Variants in CDH24 observed in about 807,000 individuals in gnomAD.
The protein encoded by CDH24 is cadherin-24.
A neutral mutation model predicts 71.2 loss-of-function variants in CDH24; 61 were observed. The observed-to-expected ratio is 0.86, with a 90% CI of 0.70 to 1.06. The LOEUF is 1.06. CDH24 is among the 50% of genes least tolerant of loss of function. The probability of loss-of-function intolerance (pLI) is 0.00; values close to 1 mark genes in which losing one functional copy is unlikely to be tolerated. For synonymous variants in CDH24, 440 were observed against 470.2 expected (o/e 0.94, Z 0.83); for missense variants, 961 against 1,083.7 (o/e 0.89, Z 1.59).
Position 23,053,598 on chromosome 14 carries a change from G to T in CDH24, c.1124C>A (p.Thr375Asn), listed in dbSNP as rs1214816631. 6.2e-7 allele frequency: 1 copy of T among 1,613,366 alleles called. No individual in the cohort carries two copies. Residue 375 changes from threonine (T) to asparagine (N), a missense_variant, in exon 7 of 13, where the codon ACC (threonine) becomes AAC (asparagine). By Grantham distance (65) the Thr-to-Asn change is moderately conservative (BLOSUM62 0). Around this residue, in one of 2 missense-constraint regions of CDH24, gnomAD observed 671 missense variants for 810.9 expected, o/e 0.83. Coordinates refer to ENST00000487137, the MANE Select transcript of CDH24 (RefSeq NM_144985.4). Reference sequence around the variant, plus strand: ...CACTGTCAGGTGGTAGGCAGCCTGGGTGAAGGCAGGTGGCTCTGGGGCATC... The same window carrying T: ...CACTGTCAGGTGGTAGGCAGCCTGGTTGAAGGCAGGTGGCTCTGGGGCATC... ...VQDAPEPPAF[T>N]QAAYHLTVPE... is the part of the protein sequence containing the mutation.
intron 8 of CDH24, chr14:23,050,195 C>T: frequency 2.3e-6 from 1 of 432,778 alleles, no homozygotes; most frequent in Non-Finnish European, 4.2e-6. Flanking sequence ...ATGCCGCACC[C>T]ATGATACACA....
rs760784695 is a variant in CDH24 at position 23,049,230 on chromosome 14, C to T, written c.1643G>A (p.Arg548His). The T allele has an allele frequency of 4.4e-5, 69 of 1,574,102 alleles. No individual in the cohort carries two copies. Among genetic ancestry groups the T allele is most frequent in the Non-Finnish European group, 5.3e-5 (62 of 1,159,308 alleles). The part of the protein sequence containing the change: ...LLLPSRPAPP[R>H]HAPYLVPIEL... ...TATGGGAACCAAGTAGGGGGCATGG[C>T]GGGGTGGAGCAGGGCGGGAGGGCAG... Residue 548 changes from arginine (R) to histidine (H), a missense_variant, in exon 11 of 13, where the codon CGC (arginine) becomes CAC (histidine). Physicochemically the swap from Arg to His is conservative, Grantham distance 29. This residue lies in a region of CDH24 where 671 missense variants were observed against 810.9 expected (regional missense o/e 0.83). Coordinates refer to ENST00000487137, the MANE Select transcript of CDH24 (RefSeq NM_144985.4).
chr14:23,052,158 G>T, intron 8 of CDH24: 1 of 897,078 alleles, frequency 1.1e-6, no homozygotes, highest in Non-Finnish European at 1.8e-6. Context: ...GTTTATTTCT[G>T]GGTTGGGGCA....
At position 23,055,184 on chromosome 14, in the gene CDH24, C is replaced by T. The variant is rs751630491; in HGVS notation, c.371G>A (p.Arg124Gln). 15 of 1,614,174 alleles carry T rather than the reference C, an allele frequency of 9.3e-6. No homozygotes were observed. The highest frequency in any genetic ancestry group is 6.7e-5 in the East Asian group (3 of 44,888). ...GGGCTCCAGGGGCCGGTTGGAGGCT[C>T]GGTCCACGGCTTGGGCCAGTAGCAC... ...QYVLLAQAVD[R>Q]ASNRPLEPPS... Residue 124 changes from arginine (R) to glutamine (Q), a missense_variant, in exon 3 of 13, where the codon CGA becomes CAA. By Grantham distance (43) the Arg-to-Gln change is conservative. Around this residue, in one of 2 missense-constraint regions of CDH24, gnomAD observed 671 missense variants for 810.9 expected, o/e 0.83. Coordinates refer to ENST00000487137, the MANE Select transcript of CDH24 (RefSeq NM_144985.4). The surrounding 1 kb of genome is among the most constrained non-coding windows in gnomAD (Gnocchi z 4.1).
At chr14:23,048,528 G>C (rs770352750) in intron 11 of CDH24, 49 bp from the exon 12 acceptor site, 19 of 1,584,796 alleles carry the variant, frequency 1.2e-5, no homozygotes, top group Non-Finnish European at 1.5e-5. Flanking sequence ...GGCCGGGAGC[G>C]GGCGGCCTGT....
chr14:23,050,685 G>C (rs1287129260), intron 8 of CDH24, among the ~76,000 whole-genome samples: 1 of 152,188 alleles, frequency 6.6e-6, no homozygotes, highest in Non-Finnish European at 1.5e-5. Flanking sequence ...CCTTCATCAG[G>C]TGACTCCCTA....
At chr14:23,052,048 G>A in intron 8 of CDH24, 1 of 1,577,928 alleles carries the variant, frequency 6.3e-7, no homozygotes, top group Non-Finnish European at 8.6e-7. Context: ...GCAACCAGAA[G>A]AGGTACCCAG....
chr14:23,053,720 G>C lies in CDH24; in HGVS notation c.1002C>G (p.Tyr334Ter). The C allele has an allele frequency of 6.2e-7, 1 of 1,610,954 alleles. No individual in the cohort carries two copies. Among genetic ancestry groups the C allele is most frequent in the Non-Finnish European group, 8.5e-7 (1 of 1,178,774 alleles). The change falls in exon 7 of 13, where the codon TAC (tyrosine) becomes TAG (stop). Residue 334 changes from tyrosine (Y) to a stop codon, truncating the protein, a stop_gained. Transcript: ENST00000487137. LOFTEE classifies it high-confidence loss of function. ...TGTTGGTGGCCTCGACACGGAAGGAGTAGGAGCGCTGGCTCTCAAAGTCTA... is the reference window on the plus strand; with the variant it reads ...TGTTGGTGGCCTCGACACGGAAGGACTAGGAGCGCTGGCTCTCAAAGTCTA... ...KPLDFESQRS[Y>*]SFRVEATNTL... is the part of the protein sequence containing the mutation.
chr14:23,049,982 A>C (rs767931473), intron 8 of CDH24, 39 bp from the exon 9 acceptor site: 4 of 1,599,890 alleles, frequency 2.5e-6, no homozygotes, highest in Non-Finnish European at 2.6e-6. Context: ...CCACACACAC[A>C]CCACACAGTT....
At position 23,055,050 on chromosome 14, in the gene CDH24, G is replaced by A. The variant is rs966920742; in HGVS notation, c.496+9C>T. On this transcript the variant is annotated intron_variant, in intron 3 of 12. Transcript: ENST00000487137. The surrounding 1 kb of genome is among the most constrained non-coding windows in gnomAD (Gnocchi z 4.1). ...CGGGAACTGGGGCATTCAGAGCTGG[G>A]GTGCTCACCGACATTGGACATCTCG... 1.9e-6 allele frequency: 3 copies of A among 1,606,672 alleles called. No individual in the cohort carries two copies. In the African/African-American group the frequency reaches 4.0e-5, roughly 21 times the overall value.
At position 23,048,017 on chromosome 14, in the gene CDH24, G is replaced by C; in HGVS notation, c.2309C>G (p.Ala770Gly). ...GGGCTCCTTGGCCCCATACAGCTCG[G>C]CCAGGGTGCGGAAGAGCGGACCCCA... is the stretch of plus-strand genomic sequence containing the variant. The part of the protein sequence containing the change: ...DDWGPLFRTL[A>G]ELYGAKEPPA... The change falls in exon 12 of 13, where the codon GCC (alanine) becomes GGC (glycine). Residue 770 changes from alanine to glycine, a missense_variant. Around this residue, in one of 2 missense-constraint regions of CDH24, gnomAD observed 290 missense variants for 272.8 expected, o/e 1.06. Transcript: ENST00000487137. 3 of 1,442,300 alleles carry C rather than the reference G, an allele frequency of 2.1e-6. No individual in the cohort carries two copies. The highest frequency in any genetic ancestry group is 2.5e-4 in the Middle Eastern group (1 of 4,046). The allele number at this position is 1,442,300 out of a possible 1,614,324, so 89.3% of individuals were successfully genotyped here.
At position 23,055,204 on chromosome 14, in the gene CDH24, T is replaced by C. The variant is rs770851771; in HGVS notation, c.351A>G (p.Leu117=). The stretch of plus-strand genomic sequence containing the variant: ...AGGCTCGGTCCACGGCTTGGGCCAG[T>C]AGCACATATTGCGCCTTTTCCTCCC... ...LDREEKAQYV[L]LAQAVDRASN... is the part of the protein sequence containing the mutation. The change falls in exon 3 of 13, where the codon CTA becomes CTG. Residue 117 remains leucine, a synonymous_variant. Coordinates refer to ENST00000487137, the MANE Select transcript of CDH24 (RefSeq NM_144985.4). This position sits in a 1 kb window ranked among gnomAD's most constrained non-coding sequence, Gnocchi z 4.1. The C allele has an allele frequency of 7.4e-6, 12 of 1,614,168 alleles. No homozygotes were observed. In the Middle Eastern group the frequency reaches 1.8e-3, roughly 244 times the overall value.
chr14:23,049,214 C>G lies in CDH24; in HGVS notation c.1659G>C (p.Leu553Phe). The G allele has an allele frequency of 6.3e-7, 1 of 1,575,072 alleles. No homozygotes were observed. Among genetic ancestry groups the G allele is most frequent in the Non-Finnish European group, 8.6e-7 (1 of 1,159,562 alleles). ...RPAPPRHAPY[L>F]VPIELWDWGQ... is the part of the protein sequence containing the mutation. ...CCCAGTCCCACAGTTCTATGGGAAC[C>G]AAGTAGGGGGCATGGCGGGGTGGAG... is the stretch of plus-strand genomic sequence containing the variant. The change falls in exon 11 of 13, where the codon TTG becomes TTC. Residue 553 changes from leucine (L) to phenylalanine (F), a missense_variant. Physicochemically the swap from Leu to Phe is conservative, Grantham distance 22. Transcript: ENST00000487137.
At position 23,054,518 on chromosome 14, in the gene CDH24, T is replaced by TG. The variant is rs753422808; in HGVS notation, c.771dup (p.Lys258GlnfsTer48). ...AATGGCCCCTTACTCTGTGGGAACT[T>TG]GGGGGGGTTGTCGTTGACATCGCTG... On this transcript the variant is annotated frameshift_variant, in exon 5 of 13. Coordinates refer to ENST00000487137, the MANE Select transcript of CDH24 (RefSeq NM_144985.4). LOFTEE classifies it high-confidence loss of function. This position sits in a 1 kb window ranked among gnomAD's most constrained non-coding sequence, Gnocchi z 5.2. 1.9e-5 allele frequency: 31 copies of TG among 1,612,872 alleles called. No homozygotes were observed. Among genetic ancestry groups the TG allele is most frequent in the East Asian group, 2.2e-5 (1 of 44,872 alleles).
rs1310390668 is a variant in CDH24 at position 23,054,051 on chromosome 14, G to C, written c.972+90C>G. ...CTCTAAGCTCCAACAGAGAGATCCT[G>C]AGTCTGTTCTAGAAGAACAGTTAAA... On this transcript the variant is annotated intron_variant, in intron 6 of 12. Transcript: ENST00000487137. This position sits in a 1 kb window ranked among gnomAD's most constrained non-coding sequence, Gnocchi z 5.2. 68 of 1,335,704 alleles carry C rather than the reference G, an allele frequency of 5.1e-5. No homozygotes were observed. Among genetic ancestry groups the C allele is most frequent in the Non-Finnish European group, 6.8e-5 (67 of 981,560 alleles). 82.7% of individuals were successfully genotyped at this position (1,335,704 alleles called of 1,614,324 possible).
At position 23,055,265 on chromosome 14, in the gene CDH24, G is replaced by A; in HGVS notation, c.290C>T (p.Ala97Val). Residue 97 changes from alanine to valine, a missense_variant, in exon 3 of 13, where the codon GCC (alanine) becomes GTC (valine). Around this residue, in one of 2 missense-constraint regions of CDH24, gnomAD observed 671 missense variants for 810.9 expected, o/e 0.83. Coordinates refer to ENST00000487137, the MANE Select transcript of CDH24 (RefSeq NM_144985.4). This position sits in a 1 kb window ranked among gnomAD's most constrained non-coding sequence, Gnocchi z 4.1. ...CTTGGTAACATGAATATTGCCTGTG[G>A]CCTCATCAATCACAAATACGGTGCC... ...GAGTVFVIDE[A>V]TGNIHVTKSL... 6.2e-7 allele frequency: 1 copy of A among 1,614,042 alleles called. No homozygotes were observed. Among genetic ancestry groups the A allele is most frequent in the Non-Finnish European group, 8.5e-7 (1 of 1,179,956 alleles).
intron 7 of CDH24, among the ~76,000 whole-genome samples, chr14:23,052,861 G>T (rs562872112): frequency 6.6e-6 from 1 of 152,022 alleles, no homozygotes; most frequent in African/African-American, 2.4e-5. Context: ...GAGTAGAAGC[G>T]GGATAAACAG....
Position 23,054,837 on chromosome 14 carries a change from C to A in CDH24, c.526G>T (p.Asp176Tyr). The change falls in exon 4 of 13, where the codon GAT (aspartate) becomes TAT (tyrosine). Residue 176 changes from aspartate to tyrosine, a missense_variant. Transcript: ENST00000487137. This position sits in a 1 kb window ranked among gnomAD's most constrained non-coding sequence, Gnocchi z 5.2. ...TTCCCATAGCTGGGGTCATCAGCAT[C>A]GTGAGCAGTCACCTGGATCACTGAT... is the stretch of plus-strand genomic sequence containing the variant. ...GTSVIQVTAH[D>Y]ADDPSYGNSA... The A allele has an allele frequency of 6.2e-7, 1 of 1,613,624 alleles. No homozygotes were observed. The highest frequency in any genetic ancestry group is 8.5e-7 in the Non-Finnish European group (1 of 1,180,000).
Position 23,049,728 on chromosome 14 carries a change from A to G in CDH24, c.1496T>C (p.Val499Ala). 1.2e-6 allele frequency: 2 copies of G among 1,612,352 alleles called. No homozygotes were observed. Among genetic ancestry groups the G allele is most frequent in the South Asian group, 2.2e-5 (2 of 90,916 alleles). ...DSAAPGQLIQ[V>A]IRALDRDEVG... ...TTCATCTCTGTCCAGGGCCCGGATG[A>G]CCTGAATCAGCTGGGAGGAAGAAGA... Residue 499 changes from valine (V) to alanine (A), a missense_variant, in exon 10 of 13, where the codon GTC (valine) becomes GCC (alanine). By Grantham distance (64) the Val-to-Ala change is moderately conservative. Coordinates refer to ENST00000487137, the MANE Select transcript of CDH24 (RefSeq NM_144985.4).
Sources: gnomAD v4.1 joint callset for allele counts (sites outside exome capture counted in the v4.1 genomes callset) on GRCh38, gnomAD v4.1.1 for gene constraint, gnomAD v4.1.1 regional missense constraint, Gnocchi (gnomAD v3.1) non-coding constraint, MANE v1.5 for transcripts, NCBI Gene and HGNC (gene_info 2026-07-23, HGNC 2026-07-21) for gene names.